The following TET1 variants were observed in gnomAD, a reference collection of about 807,000 sequenced individuals.
TET1 encodes the protein methylcytosine dioxygenase TET1.
In TET1, 13 loss-of-function variants were observed where a neutral mutation model predicts 148.7. The observed-to-expected ratio is 0.09, with a 90% confidence interval of 0.06 to 0.14. The LOEUF is 0.14. Ranked by LOEUF, TET1 falls within the 10% of genes least tolerant of loss-of-function variation. The pLI is 1.00. For synonymous variants in TET1, 907 were observed against 937.2 expected (o/e 0.97, Z 0.59); for missense variants, 2,182 against 2,553.8 (o/e 0.85, Z 3.14).
chr10:68,573,711 A>G lies in TET1; in HGVS notation c.1373A>G (p.Tyr458Cys). The G allele has an allele frequency of 6.2e-7, 1 of 1,614,078 alleles. No homozygotes were observed. Among genetic ancestry groups the G allele is most frequent in the Non-Finnish European group, 8.5e-7 (1 of 1,180,018 alleles). Residue 458 changes from tyrosine to cysteine, a missense_variant, in exon 2 of 12, where the codon TAT becomes TGT. Transcript: ENST00000373644. ...CCTGAGCCCCAAAGCACTGTCTCATATGGACTTGCAGTCCAGGGTGCTATA... is the reference window on the plus strand; with the variant it reads ...CCTGAGCCCCAAAGCACTGTCTCATGTGGACTTGCAGTCCAGGGTGCTATA... ...KWPEPQSTVS[Y>C]GLAVQGAIQI...
intron 8 of TET1, among the ~76,000 whole-genome samples, chr10:68,679,130 T>C (rs913597684): frequency 6.6e-6 from 1 of 152,142 alleles, no homozygotes; most frequent in African/African-American, 2.4e-5. Flanking sequence ...TGAGCCGAGA[T>C]TGTGCCGCTG....
At chr10:68,585,075 G>A (rs1478872514) in intron 2 of TET1, among the ~76,000 whole-genome samples, 1 of 152,072 alleles carries the variant, frequency 6.6e-6, no homozygotes, top group East Asian at 1.9e-4. Flanking sequence ...CATGATCTTG[G>A]CTCACTGAAT....
chr10:68,601,422 A>G (rs2054053923), intron 3 of TET1, among the ~76,000 whole-genome samples: 1 of 152,220 alleles, frequency 6.6e-6, no homozygotes, highest in South Asian at 2.1e-4. Flanking sequence ...ATTTTAATAG[A>G]CTGTCCATTA....
chr10:68,601,701 G>A (rs556881624), intron 3 of TET1, among the ~76,000 whole-genome samples: 39 of 152,284 alleles, frequency 2.6e-4, no homozygotes, highest in African/African-American at 9.4e-4. Context: ...TAATTTAAAA[G>A]CATATGGCAT....
intron 6 of TET1, among the ~76,000 whole-genome samples, chr10:68,657,851 A>G (rs1359777091): frequency 6.6e-6 from 1 of 152,152 alleles, no homozygotes; most frequent in African/African-American, 2.4e-5. Context: ...AAATTTTAAA[A>G]CAATTTTAAA....
chr10:68,681,217 A>T (rs1480591913), intron 8 of TET1, among the ~76,000 whole-genome samples, 182 bp from the exon 9 acceptor site: 1 of 152,254 alleles, frequency 6.6e-6, no homozygotes, highest in Non-Finnish European at 1.5e-5. Context: ...TCATTAAAGC[A>T]TAACAATGTC....
chr10:68,624,694 C>CTCTCTCTCTCTCTT (rs768656277), intron 3 of TET1, among the ~76,000 whole-genome samples: 16 of 95,902 alleles, frequency 1.7e-4, no homozygotes, highest in Non-Finnish European at 2.8e-4. Context: ...CTCTCTCTCT[C>CTCTCTCTCTCTCTT]TCTTTCTTTC....
intron 3 of TET1, among the ~76,000 whole-genome samples, chr10:68,633,315 T>A (rs1428990506): frequency 6.6e-6 from 1 of 152,204 alleles, no homozygotes; most frequent in Non-Finnish European, 1.5e-5. Context: ...AATCTATATT[T>A]GTATGGTCTT....
At chr10:68,631,980 A>G (rs1446557598) in intron 3 of TET1, among the ~76,000 whole-genome samples, 1 of 151,720 alleles carries the variant, frequency 6.6e-6, no homozygotes, top group African/African-American at 2.4e-5. Context: ...ATCTTTGATC[A>G]TGAGGGAGCA....
intron 3 of TET1, among the ~76,000 whole-genome samples, chr10:68,637,366 ACTT>A (rs2054668802): frequency 1.3e-5 from 2 of 152,176 alleles, no homozygotes; most frequent in African/African-American, 2.4e-5. Context: ...AGTTCATTTC[ACTT>A]CTTTGGGAAA....
chr10:68,636,598 T>C (rs2054653565), intron 3 of TET1, among the ~76,000 whole-genome samples: 1 of 152,176 alleles, frequency 6.6e-6, no homozygotes, highest in African/African-American at 2.4e-5. Flanking sequence ...CCCTTGAGCC[T>C]GAGAGATCGA....
chr10:68,590,328 CATT>C (rs2053905282), intron 2 of TET1, among the ~76,000 whole-genome samples: 1 of 151,986 alleles, frequency 6.6e-6, no homozygotes, highest in Non-Finnish European at 1.5e-5. Flanking sequence ...AGATGGGTCT[CATT>C]ATGTTGCCCA....
intron 3 of TET1, among the ~76,000 whole-genome samples, chr10:68,612,193 G>T (rs903003869): frequency 6.6e-6 from 1 of 151,728 alleles, no homozygotes; most frequent in African/African-American, 2.4e-5. Flanking sequence ...GGGTTCAAGT[G>T]ATTCTCCTGT....
At chr10:68,621,400 G>A (rs35570603) in intron 3 of TET1, among the ~76,000 whole-genome samples, 11,231 of 151,970 alleles carry the variant, frequency 0.074, 676 homozygotes, top group South Asian at 0.19. Flanking sequence ...CCTGGGCAAC[G>A]TGGTGAAACC....
chr10:68,673,006 C>G lies in TET1; in HGVS notation c.4785C>G (p.Ser1595Arg). 2 of 1,611,710 alleles carry G rather than the reference C, an allele frequency of 1.2e-6. No homozygotes were observed. The highest frequency in any genetic ancestry group is 2.2e-5 in the East Asian group (1 of 44,822). Reference sequence around the variant, plus strand: ...GCTGTAAGTTTGGTAGAAGCCCAAGCCCCAGAAGATTTAGAATTGATCCAA... The same window carrying G: ...GCTGTAAGTTTGGTAGAAGCCCAAGGCCCAGAAGATTTAGAATTGATCCAA... ...FNGCKFGRSP[S>R]PRRFRIDPSS... Residue 1595 changes from serine (S) to arginine (R), a missense_variant, in exon 8 of 12, where the codon AGC (serine) becomes AGG (arginine). This residue lies in a region of TET1 where 55 missense variants were observed against 149.8 expected (regional missense o/e 0.37). Coordinates refer to ENST00000373644, the MANE Select transcript of TET1 (RefSeq NM_030625.3).
chr10:68,686,521 C>T lies in TET1; in HGVS notation c.5218C>T (p.Arg1740Cys), dbSNP rs147119124. ...TGGGGCCATCGAGGTCCTGGCACCC[C>T]GCCGCAAAAAAAGAACGTGTTTCAC... ...KSGAIEVLAP[R>C]RKKRTCFTQP... Residue 1740 changes from arginine to cysteine, a missense_variant, in exon 11 of 12, where the codon CGC (arginine) becomes TGC (cysteine). This residue lies in a region of TET1 where 380 missense variants were observed against 387.9 expected (regional missense o/e 0.98). Coordinates refer to ENST00000373644, the MANE Select transcript of TET1 (RefSeq NM_030625.3). 1.2e-4 allele frequency: 201 copies of T among 1,613,850 alleles called. No individual in the cohort carries two copies. The highest frequency in any genetic ancestry group is 3.3e-5 in the Admixed American group (2 of 59,964).
At chr10:68,681,565 A>G in intron 9 of TET1, 77 bp downstream of exon 9, 2 of 945,506 alleles carry the variant, frequency 2.1e-6, no homozygotes, top group Admixed American at 4.4e-5. Context: ...GCAGCAGTAC[A>G]GTGGCATGAT....
At chr10:68,677,952 T>C (rs2055383516) in intron 8 of TET1, among the ~76,000 whole-genome samples, 1 of 152,144 alleles carries the variant, frequency 6.6e-6, no homozygotes, top group South Asian at 2.1e-4. Flanking sequence ...TTTATTTTAT[T>C]TTTTGAGAAG....
chr10:68,612,126 G>C (rs928500112), intron 3 of TET1, among the ~76,000 whole-genome samples: 1 of 150,392 alleles, frequency 6.6e-6, no homozygotes, highest in Non-Finnish European at 1.5e-5. Context: ...GTCTCACTCT[G>C]TCACCCAGGC....
Sources: allele counts gnomAD v4.1 joint callset (sites outside exome capture counted in the v4.1 genomes callset), GRCh38; gene constraint gnomAD v4.1.1; regional missense constraint gnomAD v4.1.1; transcripts MANE v1.5; gene names NCBI Gene and HGNC (gene_info 2026-07-23, HGNC 2026-07-21).